TP63: variants seen among roughly 807,000 people sequenced by gnomAD.
The protein encoded by TP63 is tumor protein 63.
A neutral mutation model predicts 82.8 loss-of-function variants in TP63; 17 were observed. The ratio of observed to expected loss-of-function variants is 0.21; its 90% confidence interval spans 0.14 to 0.31. The LOEUF is 0.31. Among genes scored for constraint, TP63 ranks in the 10% least tolerant of loss-of-function variants. The probability of loss-of-function intolerance (pLI) is 1.00; values close to 1 mark genes in which losing one functional copy is unlikely to be tolerated. For missense variants in TP63, 648 were observed against 895.3 expected, an observed-to-expected ratio of 0.72 and a Z score of 3.52; for synonymous variants, 330 against 321.7, an observed-to-expected ratio of 1.03 and a Z score of -0.28.
At chr3:189,752,330 T>C (rs1202322446) in intron 3 of TP63, among the ~76,000 whole-genome samples, 2 of 152,034 alleles carry the variant, frequency 1.3e-5, no homozygotes, top group South Asian at 2.1e-4. Context: ...TGTGCCACCA[T>C]ACCCGGCTAA....
intron 1 of TP63, among the ~76,000 whole-genome samples, chr3:189,698,263 A>AT (rs1169210543): frequency 3.3e-5 from 5 of 151,592 alleles, no homozygotes; most frequent in Admixed American, 3.3e-4. Context: ...TTGTCAAATG[A>AT]TTTTTTTTCT....
the TP63 span, among the ~76,000 whole-genome samples, chr3:189,605,769 C>T: frequency 1.3e-5 from 2 of 151,238 alleles, no homozygotes; most frequent in Non-Finnish European, 2.9e-5. Context: ...CCATTAATGG[C>T]TAGAAAAAAA....
chr3:189,885,954 C>G (rs967382116), intron 10 of TP63, among the ~76,000 whole-genome samples: 2 of 152,182 alleles, frequency 1.3e-5, no homozygotes, highest in Non-Finnish European at 2.9e-5. Context: ...ATACAGAAAG[C>G]TACAAATGGA....
chr3:189,835,837 T>C (rs1713056395), intron 4 of TP63, among the ~76,000 whole-genome samples: 1 of 151,468 alleles, frequency 6.6e-6, no homozygotes, highest in South Asian at 2.1e-4. Context: ...TCACTTGAAC[T>C]CAGGAGGCAG....
intron 3 of TP63, among the ~76,000 whole-genome samples, chr3:189,745,415 T>C (rs778262380): frequency 2.0e-5 from 3 of 152,026 alleles, no homozygotes; most frequent in Non-Finnish European, 4.4e-5. Flanking sequence ...ATATCATTAA[T>C]AGAACCAAAC....
chr3:189,630,903 A>C (rs1729428524), upstream of TP63, among the ~76,000 whole-genome samples: 2 of 151,518 alleles, frequency 1.3e-5, no homozygotes, highest in South Asian at 4.2e-4. Context: ...TGAAAGGGAA[A>C]CTGAAGGGCG....
At chr3:189,724,397 T>G (rs1257689065) in intron 1 of TP63, among the ~76,000 whole-genome samples, 1 of 152,128 alleles carries the variant, frequency 6.6e-6, no homozygotes, top group East Asian at 1.9e-4. Flanking sequence ...TTTTTAGAGG[T>G]GATTTGTGAG....
At chr3:189,713,801 CTT>C (rs559418875) in intron 1 of TP63, among the ~76,000 whole-genome samples, 70 of 151,868 alleles carry the variant, frequency 4.6e-4, no homozygotes, top group African/African-American at 1.7e-3. Context: ...GCTTTTATAA[CTT>C]TTATAATTGA....
At chr3:189,794,732 G>A (rs915906920) in intron 3 of TP63, among the ~76,000 whole-genome samples, 1 of 151,964 alleles carries the variant, frequency 6.6e-6, no homozygotes, top group African/African-American at 2.4e-5. Flanking sequence ...ACAGAAGAAT[G>A]GTGTAATTGT....
At chr3:189,764,233 C>A (rs1372831724) in intron 3 of TP63, among the ~76,000 whole-genome samples, 1 of 152,130 alleles carries the variant, frequency 6.6e-6, no homozygotes, top group Non-Finnish European at 1.5e-5. Context: ...CATGCTATTT[C>A]TTGGAGTAAG....
chr3:189,834,133 CCGTG>C (rs1327241715), intron 4 of TP63, among the ~76,000 whole-genome samples: 2 of 152,146 alleles, frequency 1.3e-5, no homozygotes, highest in Admixed American at 1.3e-4. Flanking sequence ...AGCTTGACTA[CCGTG>C]GAGAGCTCAG....
intron 4 of TP63, among the ~76,000 whole-genome samples, chr3:189,860,203 C>A (rs2108786124): frequency 6.6e-6 from 1 of 151,910 alleles, no homozygotes; most frequent in African/African-American, 2.4e-5. Context: ...TGTTGAGGAG[C>A]AATTTAGACG....
intron 3 of TP63, among the ~76,000 whole-genome samples, chr3:189,806,068 GC>G: frequency 3.5e-5 from 1 of 28,874 alleles, no homozygotes; most frequent in Admixed American, 3.0e-4. Flanking sequence ...TTTTTTTTTT[GC>G]CCCTTACACG....
chr3:189,640,702 G>C (rs1453339457), intron 1 of TP63, among the ~76,000 whole-genome samples: 1 of 152,096 alleles, frequency 6.6e-6, no homozygotes, highest in East Asian at 1.9e-4. Context: ...CAGTGAAGTG[G>C]AAAGCTTGTT....
intron 4 of TP63, among the ~76,000 whole-genome samples, chr3:189,820,187 A>C (rs1728656900): frequency 6.6e-6 from 1 of 152,246 alleles, no homozygotes; most frequent in African/African-American, 2.4e-5. Context: ...TCATCTGTTT[A>C]CCTTTTGCTG....
intron 3 of TP63, 189 bp downstream of exon 3, chr3:189,738,963 C>A: frequency 1.3e-6 from 1 of 743,376 alleles, no homozygotes; most frequent in South Asian, 1.7e-5. Flanking sequence ...CCGCAAATAT[C>A]TATAATATAT....
intron 3 of TP63, among the ~76,000 whole-genome samples, chr3:189,761,780 G>A (rs1481589743): frequency 1.3e-5 from 2 of 152,210 alleles, no homozygotes; most frequent in African/African-American, 2.4e-5. Context: ...AAAAAAGAAA[G>A]AGGTTTATTG....
intron 1 of TP63, among the ~76,000 whole-genome samples, chr3:189,673,748 A>T (rs1324442771): frequency 6.6e-6 from 1 of 152,106 alleles, no homozygotes; most frequent in African/African-American, 2.4e-5. Flanking sequence ...CAATTCAATT[A>T]TTTGCAGCTG....
the TP63 span, among the ~76,000 whole-genome samples, chr3:189,616,250 C>T: frequency 6.6e-6 from 1 of 152,176 alleles, no homozygotes. Flanking sequence ...TTTCCTGCAT[C>T]CTGCCTTATA....
Sources: allele counts gnomAD v4.1 joint callset (sites outside exome capture counted in the v4.1 genomes callset), GRCh38; gene constraint gnomAD v4.1.1; transcripts MANE v1.5; gene names NCBI Gene and HGNC (gene_info 2026-07-23, HGNC 2026-07-21).